The following PGBD5 variants were observed in gnomAD, a reference collection of about 807,000 sequenced individuals.
PGBD5 encodes the protein piggyBac transposable element-derived protein 5.
PGBD5 carries 14 observed loss-of-function variants against 47.9 expected under a neutral mutation model. That is an observed-to-expected ratio of 0.29 (90% CI 0.19 to 0.46). The LOEUF (loss-of-function observed/expected upper bound fraction) is 0.46, where lower values mean the gene tolerates loss of function less well. Among genes scored for constraint, PGBD5 ranks in the 20% least tolerant of loss-of-function variants. PGBD5 has a pLI of 1.00. For synonymous variants in PGBD5, 316 were observed against 306.3 expected (o/e 1.03, Z -0.33); for missense variants, 635 against 716.0 (o/e 0.89, Z 1.29).
intron 1 of PGBD5, among the ~76,000 whole-genome samples, chr1:230,406,074 C>T (rs1053510857): frequency 2.6e-5 from 4 of 152,010 alleles, no homozygotes; most frequent in African/African-American, 9.7e-5. Context: ...TTTGGGAGGC[C>T]GAGGCAGGTG....
At chr1:230,412,913 G>C (rs1156837526) in intron 1 of PGBD5, among the ~76,000 whole-genome samples, 1 of 152,044 alleles carries the variant, frequency 6.6e-6, no homozygotes, top group Non-Finnish European at 1.5e-5. Context: ...CTAATAAAAA[G>C]TCCTCCTTTT....
chr1:230,337,435 A>T, intron 3 of PGBD5, 147 bp from the exon 4 acceptor site: 1 of 801,222 alleles, frequency 1.2e-6, no homozygotes, highest in Non-Finnish European at 1.9e-6. Flanking sequence ...GCTCACAGGG[A>T]CTCTAGGTCA....
chr1:230,327,616 G>A (rs557417173), intron 5 of PGBD5, among the ~76,000 whole-genome samples: 2 of 152,358 alleles, frequency 1.3e-5, no homozygotes, highest in South Asian at 2.1e-4. Flanking sequence ...CCTCCTGGCC[G>A]GAAGACTATG....
chr1:230,389,729 G>GA (rs1438950046), intron 1 of PGBD5, among the ~76,000 whole-genome samples: 1 of 152,182 alleles, frequency 6.6e-6, no homozygotes, highest in African/African-American at 2.4e-5. Flanking sequence ...AAAGTAGGTT[G>GA]AAAAATCCAA....
chr1:230,378,206 C>A (rs1668044810), intron 1 of PGBD5, among the ~76,000 whole-genome samples: 1 of 152,186 alleles, frequency 6.6e-6, no homozygotes, highest in Non-Finnish European at 1.5e-5. Flanking sequence ...CTTCTATGCC[C>A]ACCTTCCCTG....
At chr1:230,351,995 C>T (rs745941676) in intron 2 of PGBD5, among the ~76,000 whole-genome samples, 6 of 152,308 alleles carry the variant, frequency 3.9e-5, no homozygotes, top group African/African-American at 1.4e-4. Context: ...ACACTTCCCT[C>T]CCTGATCCTA....
chr1:230,345,636 A>G (rs1558195212), intron 3 of PGBD5, among the ~76,000 whole-genome samples: 1 of 152,252 alleles, frequency 6.6e-6, no homozygotes, highest in Non-Finnish European at 1.5e-5. Flanking sequence ...AGCAACAGGC[A>G]TTCAGTAGAA....
intron 1 of PGBD5, among the ~76,000 whole-genome samples, chr1:230,369,184 C>A (rs1270329653): frequency 6.6e-6 from 1 of 152,232 alleles, no homozygotes. Flanking sequence ...AAGGTGAACC[C>A]AGAACGTGGA....
intron 1 of PGBD5, among the ~76,000 whole-genome samples, chr1:230,374,547 A>C (rs1234546168): frequency 6.6e-6 from 1 of 152,238 alleles, no homozygotes; most frequent in African/African-American, 2.4e-5. Context: ...GCTAAGCATC[A>C]GCCATGATCC....
In PGBD5 at chr1:230,357,103, A is replaced by G; in HGVS notation, c.550T>C (p.Ser184Pro). 1 of 1,614,032 alleles carries G rather than the reference A, an allele frequency of 6.2e-7. No homozygotes were observed. Among genetic ancestry groups the G allele is most frequent in the Non-Finnish European group, 8.5e-7 (1 of 1,180,012 alleles). Reference sequence around the variant, plus strand: ...CCTCCGCTCCAGATGCTGAGGACGGACTCGCAGTGGGAGATGCTGGTGGAG... The same window carrying G: ...CCTCCGCTCCAGATGCTGAGGACGGGCTCGCAGTGGGAGATGCTGGTGGAG... ...MISTSISHCE[S>P]VLSIWSGGFY... is the part of the protein sequence containing the mutation. Residue 184 changes from serine (S) to proline (P), a missense_variant, in exon 2 of 7, where the codon TCC (serine) becomes CCC (proline). Transcript: ENST00000391860. The surrounding 1 kb of genome is among the most constrained non-coding windows in gnomAD (Gnocchi z 5.7).
chr1:230,416,919 C>T (rs779389227), intron 1 of PGBD5, among the ~76,000 whole-genome samples: 17 of 152,150 alleles, frequency 1.1e-4, no homozygotes, highest in South Asian at 2.1e-4. Flanking sequence ...AGAATCCAAG[C>T]GGATGAAAGC....
chr1:230,397,675 C>T (rs541889168), intron 1 of PGBD5, among the ~76,000 whole-genome samples: 1 of 152,346 alleles, frequency 6.6e-6, no homozygotes, highest in African/African-American at 2.4e-5. Flanking sequence ...TGGGCATACA[C>T]AGAGGCAAAA....
intron 2 of PGBD5, among the ~76,000 whole-genome samples, chr1:230,353,779 A>T (rs929374764): frequency 1.3e-5 from 2 of 152,208 alleles, no homozygotes; most frequent in Admixed American, 6.5e-5. Context: ...CAAGCAAATC[A>T]TTGCCTCTCT....
At chr1:230,335,172 CACAG>C (rs1253269343) in intron 4 of PGBD5, among the ~76,000 whole-genome samples, 3 of 100,136 alleles carry the variant, frequency 3.0e-5, no homozygotes, top group Admixed American at 1.0e-4. Context: ...CACACAGACA[CACAG>C]ACACACAGAC....
At chr1:230,352,590 G>A (rs971605566) in intron 2 of PGBD5, among the ~76,000 whole-genome samples, 12 of 152,104 alleles carry the variant, frequency 7.9e-5, no homozygotes, top group African/African-American at 1.7e-4. Flanking sequence ...GTGCATATCT[G>A]CCTCCTCAGT....
intron 1 of PGBD5, among the ~76,000 whole-genome samples, chr1:230,367,628 G>T (rs1667857069): frequency 6.6e-6 from 1 of 152,204 alleles, no homozygotes; most frequent in Admixed American, 6.5e-5. Flanking sequence ...AGCCCAGGAG[G>T]CTGAGGCTAT....
rs1297267384 is a variant in PGBD5, at chr1:230,320,171, C to T, written c.*3254G>A. 3 of 152,072 alleles carry T rather than the reference C, an allele frequency of 2.0e-5. No individual in the cohort carries two copies. The highest frequency in any genetic ancestry group is 4.4e-5 in the Non-Finnish European group (3 of 68,068). The allele number at this position is 152,072 out of a possible 1,614,324, so 9.4% of individuals were successfully genotyped here. On this transcript the variant is annotated 3_prime_UTR_variant, in exon 7 of 7. Coordinates refer to ENST00000391860, the MANE Select transcript of PGBD5 (RefSeq NM_001258311.2). ...CCACCGCACCTGGCCAAAATCGAGG[C>T]TCTTTAGGGAGCAGAGTGTGGGGAA...
chr1:230,390,581 A>C (rs1656759191), intron 1 of PGBD5, among the ~76,000 whole-genome samples: 1 of 152,168 alleles, frequency 6.6e-6, no homozygotes, highest in Non-Finnish European at 1.5e-5. Context: ...TATCAGAATC[A>C]CATGTAGCAT....
rs1667039358 is a variant in PGBD5, at chr1:230,321,987, G to C, written c.*1438C>G. On this transcript the variant is annotated 3_prime_UTR_variant, in exon 7 of 7. Transcript: ENST00000391860. Reference sequence around the variant, plus strand: ...GCGGACAGCAACACTCGCAATAACTGAGTGAGGACGAGGCCCATAGCCTGA... The same window carrying C: ...GCGGACAGCAACACTCGCAATAACTCAGTGAGGACGAGGCCCATAGCCTGA... 6.6e-6 allele frequency: 1 copy of C among 152,448 alleles called. No homozygotes were observed. The highest frequency in any genetic ancestry group is 2.4e-5 in the African/African-American group (1 of 41,442). 9.4% of individuals were successfully genotyped at this position (152,448 alleles called of 1,614,324 possible). A position where few individuals can be genotyped will look rare whatever the true frequency, so the allele number is the denominator to read the frequency against.
Sources: allele counts gnomAD v4.1 joint callset (sites outside exome capture counted in the v4.1 genomes callset), GRCh38; gene constraint gnomAD v4.1.1; non-coding constraint Gnocchi (gnomAD v3.1); transcripts MANE v1.5; gene names NCBI Gene and HGNC (gene_info 2026-07-23, HGNC 2026-07-21).